Variants in MSRA observed in about 807,000 individuals in gnomAD.
The protein encoded by MSRA is mitochondrial peptide methionine sulfoxide reductase.
In MSRA, 54 loss-of-function variants were observed where a neutral mutation model predicts 31.3. The ratio of observed to expected loss-of-function variants is 1.73; its 90% CI spans 1.39 to 2.17. The LOEUF is 2.17. MSRA is among the 30% of genes most tolerant of loss of function. The pLI is 0.00. For missense variants in MSRA, 507 were observed against 300.9 expected, an observed-to-expected ratio of 1.69 and a Z score of -5.07; for synonymous variants, 169 against 116.5, an observed-to-expected ratio of 1.45 and a Z score of -2.90.
chr8:10,313,709 C>G (rs2129133610), intron 4 of MSRA, among the ~76,000 whole-genome samples: 1 of 152,172 alleles, frequency 6.6e-6, no homozygotes, highest in South Asian at 2.1e-4. Flanking sequence ...TAGGGAAATG[C>G]AAAAGTCCAA....
chr8:10,073,866 C>T (rs1418604295), intron 1 of MSRA, among the ~76,000 whole-genome samples: 1 of 151,996 alleles, frequency 6.6e-6, no homozygotes, highest in Non-Finnish European at 1.5e-5. Flanking sequence ...TTCACTTCTT[C>T]TTGACCTCAA....
chr8:10,331,074 C>T (rs565951025), intron 5 of MSRA, among the ~76,000 whole-genome samples: 2 of 152,300 alleles, frequency 1.3e-5, no homozygotes, highest in African/African-American at 4.8e-5. Flanking sequence ...GTCATGTGAA[C>T]ACAAATAGAA....
chr8:10,408,518 C>A (rs1487067999), intron 5 of MSRA, among the ~76,000 whole-genome samples: 2 of 151,966 alleles, frequency 1.3e-5, no homozygotes, highest in Non-Finnish European at 2.9e-5. Flanking sequence ...CCAGCCTGGG[C>A]AACAGAGCAA....
intron 2 of MSRA, among the ~76,000 whole-genome samples, chr8:10,220,528 G>A (rs1392891553): frequency 1.3e-5 from 2 of 152,170 alleles, no homozygotes; most frequent in African/African-American, 2.4e-5. Flanking sequence ...GTTTTCTTAG[G>A]AAAAGAAATT....
intron 2 of MSRA, among the ~76,000 whole-genome samples, chr8:10,231,581 T>G (rs1811478334): frequency 2.6e-5 from 4 of 152,192 alleles, no homozygotes. Flanking sequence ...ATATGTGGTT[T>G]GAACTATATA....
intron 5 of MSRA, among the ~76,000 whole-genome samples, chr8:10,358,458 C>T (rs1400961691): frequency 6.6e-6 from 1 of 151,926 alleles, no homozygotes; most frequent in Non-Finnish European, 1.5e-5. Context: ...GTCCCCAACC[C>T]CCGGTTCTGG....
chr8:10,405,809 G>A (rs150131008), intron 5 of MSRA, among the ~76,000 whole-genome samples: 12 of 150,992 alleles, frequency 7.9e-5, no homozygotes, highest in Admixed American at 2.6e-4. Flanking sequence ...ACACATGCTC[G>A]CGTACACCCA....
At chr8:10,250,116 C>G (rs1217560750) in intron 3 of MSRA, among the ~76,000 whole-genome samples, 2 of 150,150 alleles carry the variant, frequency 1.3e-5, no homozygotes, top group East Asian at 2.0e-4. Flanking sequence ...TTTACACATG[C>G]ACACACACAC....
intron 1 of MSRA, among the ~76,000 whole-genome samples, chr8:10,150,411 T>C (rs1050418134): frequency 6.6e-6 from 1 of 152,200 alleles, no homozygotes; most frequent in Non-Finnish European, 1.5e-5. Context: ...TTATATTAAT[T>C]ATCTATTCAG....
intron 1 of MSRA, among the ~76,000 whole-genome samples, chr8:10,106,325 A>G (rs1272942119): frequency 6.6e-6 from 1 of 152,144 alleles, no homozygotes; most frequent in East Asian, 1.9e-4. Flanking sequence ...TATAGGAACC[A>G]GTGAAATGTC....
At position 10,207,907 on chromosome 8, in the gene MSRA, A is replaced by T; in HGVS notation, c.211+6A>T. 1 of 1,608,634 alleles carries T rather than the reference A, an allele frequency of 6.2e-7. No homozygotes were observed. Among genetic ancestry groups the T allele is most frequent in the East Asian group, 2.2e-5 (1 of 44,766 alleles). On this transcript the variant is annotated splice_donor_region_variant and intron_variant, in intron 2 of 5. Coordinates refer to ENST00000317173, the MANE Select transcript of MSRA (RefSeq NM_012331.5). ...AACACAGATGGCTGTATTTGGTAAGATATCAATTCTGAAAGAAAACCCAAA... is the reference window on the plus strand; with the variant it reads ...AACACAGATGGCTGTATTTGGTAAGTTATCAATTCTGAAAGAAAACCCAAA...
chr8:10,069,305 A>G (rs888805938), intron 1 of MSRA, among the ~76,000 whole-genome samples: 13 of 152,118 alleles, frequency 8.5e-5, no homozygotes, highest in African/African-American at 2.9e-4. Context: ...GCTGAATAGG[A>G]GTAGTAATAG....
At chr8:10,384,737 G>T (rs1336867617) in intron 5 of MSRA, among the ~76,000 whole-genome samples, 1 of 152,180 alleles carries the variant, frequency 6.6e-6, no homozygotes, top group East Asian at 1.9e-4. Flanking sequence ...GCCAGGCATG[G>T]TGGTTCATGC....
intron 1 of MSRA, among the ~76,000 whole-genome samples, chr8:10,168,073 C>T (rs1420264639): frequency 1.3e-5 from 2 of 152,138 alleles, no homozygotes; most frequent in African/African-American, 2.4e-5. Flanking sequence ...ATGTTACTTA[C>T]TAGCTTTGTG....
chr8:10,282,885 T>C (rs546913266), intron 3 of MSRA, among the ~76,000 whole-genome samples: 1 of 152,150 alleles, frequency 6.6e-6, no homozygotes, highest in Non-Finnish European at 1.5e-5. Flanking sequence ...TATACTGTGT[T>C]GAGGAAAAGA....
chr8:10,390,381 C>T (rs1169401138), intron 5 of MSRA, among the ~76,000 whole-genome samples: 4 of 152,150 alleles, frequency 2.6e-5, no homozygotes, highest in African/African-American at 9.7e-5. Context: ...GCGTGGTCGC[C>T]AGTTGAGAAC....
intron 5 of MSRA, among the ~76,000 whole-genome samples, chr8:10,329,360 T>C (rs1314181643): frequency 6.6e-6 from 1 of 152,206 alleles, no homozygotes; most frequent in Non-Finnish European, 1.5e-5. Flanking sequence ...CCACCATGCA[T>C]GGCCTGTGGC....
At chr8:10,214,794 G>T (rs1809845164) in intron 2 of MSRA, among the ~76,000 whole-genome samples, 1 of 152,192 alleles carries the variant, frequency 6.6e-6, no homozygotes, top group African/African-American at 2.4e-5. Context: ...ACTTGAGGGG[G>T]CAATGGTCAT....
chr8:10,288,509 T>C (rs1313222949), intron 3 of MSRA, among the ~76,000 whole-genome samples: 1 of 152,230 alleles, frequency 6.6e-6, no homozygotes, highest in Non-Finnish European at 1.5e-5. Flanking sequence ...TGTGTTGGCA[T>C]GCTTTTAAGA....
Sources: allele counts gnomAD v4.1 joint callset (sites outside exome capture counted in the v4.1 genomes callset), GRCh38; gene constraint gnomAD v4.1.1; transcripts MANE v1.5; gene names NCBI Gene and HGNC (gene_info 2026-07-23, HGNC 2026-07-21).